Variants in SEPTIN11 observed in about 807,000 individuals in gnomAD.
SEPTIN11 encodes the protein septin-11.
A neutral mutation model predicts 51.4 loss-of-function variants in SEPTIN11; 25 were observed. The observed-to-expected ratio is 0.49, with a 90% CI of 0.35 to 0.68. The LOEUF (loss-of-function observed/expected upper bound fraction) is 0.68. Ranked by LOEUF, SEPTIN11 falls within the 30% of genes least tolerant of loss-of-function variation. The probability of loss-of-function intolerance (pLI) is 0.00; values close to 1 mark genes in which losing one functional copy is unlikely to be tolerated. For synonymous variants in SEPTIN11, 174 were observed against 184.1 expected, an observed-to-expected ratio of 0.95 and a Z score of 0.44; for missense variants, 381 against 520.8, an observed-to-expected ratio of 0.73 and a Z score of 2.61.
intron 2 of SEPTIN11, among the ~76,000 whole-genome samples, chr4:77,000,610 C>A (rs111880266): frequency 1.3e-4 from 20 of 152,204 alleles, no homozygotes; most frequent in African/African-American, 4.3e-4. Flanking sequence ...GTTTAACATA[C>A]GACAGATTTA....
intron 1 of SEPTIN11, among the ~76,000 whole-genome samples, chr4:76,992,992 G>C (rs1723465005): frequency 6.6e-6 from 1 of 152,164 alleles, no homozygotes; most frequent in South Asian, 2.1e-4. Flanking sequence ...GAAATGACAG[G>C]CCAAGGAGTT....
chr4:76,952,964 G>A (rs1721408900), intron 1 of SEPTIN11, among the ~76,000 whole-genome samples: 1 of 152,186 alleles, frequency 6.6e-6, no homozygotes, highest in South Asian at 2.1e-4. Flanking sequence ...CTAAGCTGTG[G>A]TGTTCATCAG....
At chr4:76,972,302 T>G (rs1291904455) in intron 1 of SEPTIN11, 2 of 152,234 alleles carry the variant, frequency 1.3e-5, no homozygotes, top group Non-Finnish European at 2.9e-5. Flanking sequence ...GTACTTTTGG[T>G]GTGTTGTTTT....
chr4:77,038,241 A>T lies in SEPTIN11; in HGVS notation c.*3729A>T, dbSNP rs1727165827. On this transcript the variant is annotated 3_prime_UTR_variant, in exon 10 of 10. Transcript: ENST00000264893. ...TTTTAAATAAATTGAAAAGCTGTGA[A>T]CAGCATTAGAACTTTGTCTATTTCT... 15 of 985,638 alleles carry T rather than the reference A, an allele frequency of 1.5e-5. No homozygotes were observed. The highest frequency in any genetic ancestry group is 1.7e-5 in the Non-Finnish European group (14 of 829,808). The allele number at this position is 985,638 out of a possible 1,614,324, so 61.1% of individuals were successfully genotyped here.
At chr4:76,993,224 G>A (rs886315118) in intron 1 of SEPTIN11, among the ~76,000 whole-genome samples, 8 of 152,148 alleles carry the variant, frequency 5.3e-5, no homozygotes, top group Admixed American at 5.2e-4. Flanking sequence ...AGGGAACTCT[G>A]GAGAAGGGGC....
intron 5 of SEPTIN11, among the ~76,000 whole-genome samples, chr4:77,015,599 A>C (rs1308294838): frequency 6.6e-6 from 1 of 151,368 alleles, no homozygotes; most frequent in African/African-American, 2.4e-5. Flanking sequence ...CTGTTTCACT[A>C]CTCTTTTGTG....
rs949957756 is a variant in SEPTIN11 at position 77,037,321 on chromosome 4, C to T, written c.*2809C>T. 7 of 935,504 alleles carry T rather than the reference C, an allele frequency of 7.5e-6. No homozygotes were observed. The South Asian group carries it at 3.5e-4, about 46-fold the overall frequency. 58.0% of individuals were successfully genotyped at this position (935,504 alleles called of 1,614,324 possible). A position where few individuals can be genotyped will look rare whatever the true frequency, so the allele number is the denominator to read the frequency against. On this transcript the variant is annotated 3_prime_UTR_variant, in exon 10 of 10. Coordinates refer to ENST00000264893, the MANE Select transcript of SEPTIN11 (RefSeq NM_018243.4). ...AGGTTGCAGTGAGCCAAGATTGCAC[C>T]ACTGCATTCCAACCTGGGTGATGAA...
At chr4:76,969,640 G>T (rs17262520) in intron 1 of SEPTIN11, among the ~76,000 whole-genome samples, 19,628 of 152,134 alleles carry the variant, frequency 0.13, 1,398 homozygotes, top group South Asian at 0.2. Flanking sequence ...CAATCCAGTC[G>T]ATAGGAGTAG....
chr4:76,988,604 G>A (rs1002449017), intron 1 of SEPTIN11, among the ~76,000 whole-genome samples: 5 of 152,166 alleles, frequency 3.3e-5, no homozygotes, highest in Non-Finnish European at 7.3e-5. Context: ...TAACTCCTGA[G>A]CTTAAGCAAG....
chr4:76,975,422 T>C (rs141405054), intron 1 of SEPTIN11, among the ~76,000 whole-genome samples: 1 of 152,344 alleles, frequency 6.6e-6, no homozygotes, highest in East Asian at 1.9e-4. Flanking sequence ...GCTTCTATTA[T>C]TATTACTTCA....
Position 77,034,542 on chromosome 4 carries a change from T to C in SEPTIN11, c.*30T>C. The stretch of plus-strand genomic sequence containing the variant: ...TGGCAAGCCAAGGATGTTCCCGCAT[T>C]CACCTGCTTTTGCAGTAATATCGTA... On this transcript the variant is annotated 3_prime_UTR_variant, in exon 10 of 10. Transcript: ENST00000264893. 1 of 1,548,418 alleles carries C rather than the reference T, an allele frequency of 6.5e-7. No homozygotes were observed. The highest frequency in any genetic ancestry group is 1.3e-5 in the South Asian group (1 of 77,290).
At chr4:76,974,161 T>G (rs1419129829) in intron 1 of SEPTIN11, among the ~76,000 whole-genome samples, 1 of 152,188 alleles carries the variant, frequency 6.6e-6, no homozygotes, top group Non-Finnish European at 1.5e-5. Context: ...CCTCTCATAT[T>G]GGTGGTGTTC....
chr4:77,001,388 C>T (rs1410173119), intron 2 of SEPTIN11, among the ~76,000 whole-genome samples: 5 of 151,286 alleles, frequency 3.3e-5, no homozygotes, highest in South Asian at 4.2e-4. Context: ...CTCACTCTGT[C>T]GCCCAGGCTG....
intron 1 of SEPTIN11, among the ~76,000 whole-genome samples, chr4:76,976,335 A>G (rs761852348): frequency 4.6e-5 from 7 of 152,180 alleles, no homozygotes; most frequent in Non-Finnish European, 1.0e-4. Flanking sequence ...TTGTGTTAAC[A>G]TAAGATCCAA....
At chr4:77,033,397 T>C (rs1030883796) in intron 9 of SEPTIN11, among the ~76,000 whole-genome samples, 3 of 152,266 alleles carry the variant, frequency 2.0e-5, no homozygotes, top group African/African-American at 7.2e-5. Context: ...CCTCCAAGCC[T>C]AACTTAGTTT....
At chr4:76,979,545 A>G (rs1028272753) in intron 1 of SEPTIN11, among the ~76,000 whole-genome samples, 17 of 152,156 alleles carry the variant, frequency 1.1e-4, no homozygotes, top group East Asian at 1.9e-4. Context: ...AGCCAATAGT[A>G]TCTACTTCAC....
intron 1 of SEPTIN11, among the ~76,000 whole-genome samples, chr4:76,964,039 T>C (rs1013347246): frequency 8.6e-5 from 13 of 151,864 alleles, no homozygotes; most frequent in Admixed American, 2.0e-4. Context: ...TACCTATGAG[T>C]GAGAACATGT....
chr4:77,036,998 C>G lies in SEPTIN11; in HGVS notation c.*2486C>G. 2 of 1,257,174 alleles carry G rather than the reference C, an allele frequency of 1.6e-6. No homozygotes were observed. The highest frequency in any genetic ancestry group is 2.0e-6 in the Non-Finnish European group (2 of 1,004,118). The allele number at this position is 1,257,174 out of a possible 1,614,324, so 77.9% of individuals were successfully genotyped here. On this transcript the variant is annotated 3_prime_UTR_variant, in exon 10 of 10. Coordinates refer to ENST00000264893, the MANE Select transcript of SEPTIN11 (RefSeq NM_018243.4). ...AAAAGACTAAATATATTTAAAAGGC[C>G]ACATTTATATTTTTTTCACAAGAAC...
intron 1 of SEPTIN11, among the ~76,000 whole-genome samples, chr4:76,981,555 T>G (rs1722771166): frequency 6.6e-6 from 1 of 152,198 alleles, no homozygotes; most frequent in African/African-American, 2.4e-5. Context: ...TGCAGTTAAC[T>G]TTCTGTAAGG....
Sources: gnomAD v4.1 joint callset for allele counts (sites outside exome capture counted in the v4.1 genomes callset) on GRCh38, gnomAD v4.1.1 for gene constraint, MANE v1.5 for transcripts, NCBI Gene and HGNC (gene_info 2026-07-23, HGNC 2026-07-21) for gene names.